The following DNAH3 variants were observed in gnomAD, a reference collection of about 807,000 sequenced individuals.
The protein encoded by DNAH3 is dynein axonemal heavy chain 3, also known as axonemal beta dynein heavy chain 3.
Under a neutral mutation model 432.5 loss-of-function variants are expected in DNAH3, and 332 were observed. That is an observed-to-expected ratio of 0.77 (90% confidence interval 0.70 to 0.84). The LOEUF is 0.84. Among genes scored for constraint, DNAH3 ranks in the 40% least tolerant of loss-of-function variants. The pLI is 0.00. For missense variants in DNAH3, 4,861 were observed against 5,114.0 expected, an observed-to-expected ratio of 0.95 and a Z score of 1.51; for synonymous variants, 1,956 against 1,900.2, an observed-to-expected ratio of 1.03 and a Z score of -0.76.
At chr16:20,994,395 C>T (rs2086677738) in intron 44 of DNAH3, among the ~76,000 whole-genome samples, 2 of 152,146 alleles carry the variant, frequency 1.3e-5, no homozygotes, top group South Asian at 4.1e-4. Context: ...CATGCCATTG[C>T]ACTCCAGCCT....
chr16:21,115,241 A>G (rs2092161280), intron 12 of DNAH3, among the ~76,000 whole-genome samples: 1 of 151,794 alleles, frequency 6.6e-6, no homozygotes, highest in Non-Finnish European at 1.5e-5. Flanking sequence ...GGGGCCTGTC[A>G]TGGGGTTGGG....
At position 21,012,972 on chromosome 16, in the gene DNAH3, C is replaced by T. The variant is rs115619485; in HGVS notation, c.6022+6652G>A. Among the ~76,000 whole-genome samples, 425 of 152,040 alleles carry T rather than the reference C, an allele frequency of 2.8e-3. 3 individuals are homozygous for T. Among genetic ancestry groups the T allele is most frequent in the African/African-American group, 9.6e-3 (399 of 41,468 alleles). ...GTAAAGACGGGATTTTGACATGTTG[C>T]CCAGACTGGTCTCAAACTCCTGTGC... is the stretch of plus-strand genomic sequence containing the variant. On this transcript the variant is annotated intron_variant, in intron 41 of 61. Transcript: ENST00000261383.
chr16:21,096,995 AC>A (rs1295963731), intron 18 of DNAH3, among the ~76,000 whole-genome samples: 4 of 152,080 alleles, frequency 2.6e-5, no homozygotes, highest in African/African-American at 4.8e-5. Flanking sequence ...ACCTTTCTGG[AC>A]CCCAGATCCT....
At chr16:21,155,260 T>C (rs1228468431) in intron 1 of DNAH3, among the ~76,000 whole-genome samples, 2 of 151,966 alleles carry the variant, frequency 1.3e-5, no homozygotes, top group Non-Finnish European at 2.9e-5. Context: ...TGTTTCTCAA[T>C]TGGGCTGCCA....
intron 18 of DNAH3, among the ~76,000 whole-genome samples, chr16:21,089,240 A>G (rs1446200312): frequency 1.3e-5 from 2 of 152,178 alleles, no homozygotes; most frequent in Non-Finnish European, 2.9e-5. Context: ...CTTGAAAGCC[A>G]CTGCAGGGGA....
intron 20 of DNAH3, among the ~76,000 whole-genome samples, chr16:21,077,285 C>T (rs928169619): frequency 3.3e-5 from 5 of 152,184 alleles, no homozygotes; most frequent in East Asian, 3.9e-4. Context: ...GCCTCAGCCT[C>T]GCAAGCAGCT....
At chr16:20,959,658 C>A (rs1343620413) in intron 53 of DNAH3, among the ~76,000 whole-genome samples, 1 of 148,832 alleles carries the variant, frequency 6.7e-6, no homozygotes, top group Non-Finnish European at 1.5e-5. Flanking sequence ...CACACACACC[C>A]CAACACAAAA....
rs534037742 is a variant in DNAH3 at position 20,989,298 on chromosome 16, G to T, written c.6602-1233C>A. On this transcript the variant is annotated intron_variant, in intron 44 of 61. Coordinates refer to ENST00000261383, the Ensembl canonical transcript of DNAH3. Reference sequence around the variant, plus strand: ...GTTAGATACAGAGCATCTACACAAAGGTTCTCCAAGGCCCCACCAGAGCAG... The same window carrying T: ...GTTAGATACAGAGCATCTACACAAATGTTCTCCAAGGCCCCACCAGAGCAG... Among the ~76,000 whole-genome samples the T allele has an allele frequency of 2.0e-5, 3 of 152,308 alleles. No individual in the cohort carries two copies. The East Asian group carries it at 5.8e-4, about 29-fold the overall frequency.
intron 27 of DNAH3, among the ~76,000 whole-genome samples, chr16:21,056,027 C>T (rs1199755854): frequency 1.3e-5 from 2 of 152,132 alleles, no homozygotes; most frequent in East Asian, 3.9e-4. Flanking sequence ...CATGAGCCAC[C>T]GTATCCTGCC....
At chr16:21,024,473 C>G in intron 39 of DNAH3, 123 bp downstream of exon 39, 1 of 652,570 alleles carries the variant, frequency 1.5e-6, no homozygotes, top group Admixed American at 3.4e-5. Context: ...CTGGGGACAA[C>G]AAGGGAATTC....
intron 7 of DNAH3, among the ~76,000 whole-genome samples, chr16:21,128,018 G>A (rs978647067): frequency 1.3e-5 from 2 of 152,008 alleles, no homozygotes; most frequent in Non-Finnish European, 2.9e-5. Context: ...GCAGGGAGGA[G>A]ACAAATGAGG....
intron 48 of DNAH3, among the ~76,000 whole-genome samples, chr16:20,984,013 C>A (rs180937134): frequency 6.3e-5 from 8 of 127,750 alleles, no homozygotes; most frequent in Non-Finnish European, 9.4e-5. Context: ...GGTGACAGAG[C>A]AAGACCCTAT....
chr16:21,037,079 T>C (rs1368639504), intron 34 of DNAH3, among the ~76,000 whole-genome samples: 1 of 152,160 alleles, frequency 6.6e-6, no homozygotes, highest in Non-Finnish European at 1.5e-5. Flanking sequence ...GTGACCGAGG[T>C]GGGTGGATCA....
At chr16:20,982,777 C>G in exon 49 of DNAH3, 1 of 1,614,200 alleles carries the variant, frequency 6.2e-7, no homozygotes, top group Non-Finnish European at 8.5e-7. Flanking sequence ...TAGCCACCAA[C>G]TCTAGGGCAT....
At chr16:21,049,487 C>G in intron 31 of DNAH3, 82 bp downstream of exon 31, 1 of 1,055,720 alleles carries the variant, frequency 9.5e-7, no homozygotes, top group Admixed American at 2.0e-5. Context: ...GATATAAGGC[C>G]CTGTTATTAA....
At chr16:20,936,614 T>C (rs1330120920) in intron 60 of DNAH3, 35 bp downstream of exon 60, 2 of 1,550,736 alleles carry the variant, frequency 1.3e-6, no homozygotes, top group East Asian at 2.4e-5. Context: ...TAAGCAAGCA[T>C]GCCAGGTTCC....
At chr16:20,950,526 G>A (rs1451999614) in intron 56 of DNAH3, among the ~76,000 whole-genome samples, 1 of 152,124 alleles carries the variant, frequency 6.6e-6, no homozygotes, top group Non-Finnish European at 1.5e-5. Context: ...TGTCTTCCCA[G>A]CTGTAAAATG....
intron 14 of DNAH3, 95 bp from the exon 15 acceptor site, chr16:21,106,769 T>C: frequency 1.8e-6 from 2 of 1,098,360 alleles, no homozygotes; most frequent in Non-Finnish European, 2.4e-6. Flanking sequence ...TCAAAATACA[T>C]AATTCCTATT....
intron 28 of DNAH3, among the ~76,000 whole-genome samples, chr16:21,052,735 C>T (rs571397437): frequency 6.6e-6 from 1 of 152,240 alleles, no homozygotes; most frequent in Non-Finnish European, 1.5e-5. Context: ...TCTTGGAAGT[C>T]TGAGCCAGAG....
Sources: gnomAD v4.1 joint callset for allele counts (sites outside exome capture counted in the v4.1 genomes callset) on GRCh38, gnomAD v4.1.1 for gene constraint, MANE v1.5 for transcripts, NCBI Gene and HGNC (gene_info 2026-07-23, HGNC 2026-07-21) for gene names.